Variants in SLC35F1 observed in about 807,000 individuals in gnomAD.
SLC35F1 encodes the protein solute carrier family 35 member F1.
A neutral mutation model predicts 48.7 loss-of-function variants in SLC35F1; 14 were observed. The observed-to-expected ratio is 0.29, with a 90% CI of 0.19 to 0.45. The LOEUF is 0.45. Ranked by LOEUF, SLC35F1 falls within the 20% of genes least tolerant of loss-of-function variation. The pLI is 1.00. For missense variants in SLC35F1, 404 were observed against 500.0 expected (o/e 0.81, Z 1.83); for synonymous variants, 190 against 202.2 (o/e 0.94, Z 0.51).
rs1038431774 is a variant in SLC35F1 at position 117,933,771 on chromosome 6, G to A, written c.173+25872G>A. Among the ~76,000 whole-genome samples the A allele has an allele frequency of 4.6e-5, 7 of 152,198 alleles. No individual in the cohort carries two copies. In the South Asian group the frequency reaches 8.3e-4, roughly 18 times the overall value. On this transcript the variant is annotated intron_variant, in intron 1 of 7. Transcript: ENST00000360388. Reference sequence around the variant, plus strand: ...CTTGTGATAACAAAGTGAAAAATACGCTTGGGTGTGGTGGGCTCCATGACT... The same window carrying A: ...CTTGTGATAACAAAGTGAAAAATACACTTGGGTGTGGTGGGCTCCATGACT...
At chr6:118,011,490 G>C (rs985078202) in intron 1 of SLC35F1, among the ~76,000 whole-genome samples, 56 of 152,172 alleles carry the variant, frequency 3.7e-4, no homozygotes, top group African/African-American at 1.3e-3. Context: ...CTGCCTCCAT[G>C]ATCTAGTCAC....
At position 118,240,383 on chromosome 6, in the gene SLC35F1, A is replaced by G. The variant is rs560352704; in HGVS notation, c.477+4747A>G. On this transcript the variant is annotated intron_variant, in intron 3 of 7. Transcript: ENST00000360388. ...TAACTTTGCATATGAAACAAACCTC[A>G]TAACAGAAGCCTGGAGTCCCAAAAC... is the stretch of plus-strand genomic sequence containing the variant. Among the ~76,000 whole-genome samples the G allele has an allele frequency of 2.6e-5, 4 of 152,374 alleles. 1 individual carries two copies. In the South Asian group the frequency reaches 8.3e-4, roughly 32 times the overall value.
chr6:118,260,460 T>A lies in SLC35F1; in HGVS notation c.478-6535T>A, dbSNP rs186798732. 1.2e-3 allele frequency among the ~76,000 whole-genome samples: 186 copies of A among 152,184 alleles called. 1 individual carries two copies. Among genetic ancestry groups the A allele is most frequent in the Admixed American group, 2.2e-3 (33 of 15,292 alleles). On this transcript the variant is annotated intron_variant, in intron 3 of 7. Transcript: ENST00000360388. Reference sequence around the variant, plus strand: ...CAGGTTTAGGGTTTTTAATTTTTTTTAAAAAAGAAGGCAACTTCTTTTGGG... The same window carrying A: ...CAGGTTTAGGGTTTTTAATTTTTTTAAAAAAAGAAGGCAACTTCTTTTGGG...
chr6:118,267,521 C>T (rs283091), intron 4 of SLC35F1, among the ~76,000 whole-genome samples: 82,046 of 152,020 alleles, frequency 0.54, 22,620 homozygotes, highest in African/African-American at 0.62. Context: ...TGGTAATGAG[C>T]TAATTCACTC....
At chr6:118,036,685 G>A (rs575358621) in intron 1 of SLC35F1, among the ~76,000 whole-genome samples, 1 of 152,044 alleles carries the variant, frequency 6.6e-6, no homozygotes, top group Non-Finnish European at 1.5e-5. Flanking sequence ...AGCCTCCCAA[G>A]TAGCTGGGAC....
intron 1 of SLC35F1, among the ~76,000 whole-genome samples, chr6:117,925,203 T>G (rs1776012697): frequency 6.6e-6 from 1 of 152,160 alleles, no homozygotes; most frequent in South Asian, 2.1e-4. Flanking sequence ...ATGGCATTTC[T>G]CTGGAGTCCA....
intron 1 of SLC35F1, among the ~76,000 whole-genome samples, chr6:117,977,890 C>G (rs1338434844): frequency 2.6e-5 from 4 of 151,864 alleles, no homozygotes; most frequent in Non-Finnish European, 5.9e-5. Flanking sequence ...TAAATTTTAG[C>G]TTCATTTAGT....
At chr6:118,160,301 C>A (rs1223433045) in intron 2 of SLC35F1, among the ~76,000 whole-genome samples, 2 of 152,176 alleles carry the variant, frequency 1.3e-5, no homozygotes, top group Non-Finnish European at 2.9e-5. Flanking sequence ...AGTGTTCTTA[C>A]GAGCTCTTCC....
chr6:118,302,980 G>GA (rs5879459), intron 7 of SLC35F1, among the ~76,000 whole-genome samples: 40,257 of 145,340 alleles, frequency 0.28, 6,312 homozygotes, highest in African/African-American at 0.42. Flanking sequence ...AGCTTATTTA[G>GA]AAAAAAAAAA....
chr6:118,007,835 T>A (rs6914871), intron 1 of SLC35F1, among the ~76,000 whole-genome samples: 1 of 151,912 alleles, frequency 6.6e-6, no homozygotes, highest in African/African-American at 2.4e-5. Flanking sequence ...AGTTTTAGGT[T>A]GAGCTGCAGT....
At chr6:118,232,548 CAAAAAAAAAAA>C (rs771123566) in intron 2 of SLC35F1, among the ~76,000 whole-genome samples, 1 of 50,698 alleles carries the variant, frequency 2.0e-5, no homozygotes, top group African/African-American at 6.6e-5. Context: ...AACTCCATCC[CAAAAAAAAAAA>C]AAAAAAAAAG....
chr6:118,085,445 A>G (rs1172308882), intron 1 of SLC35F1, among the ~76,000 whole-genome samples: 1 of 149,610 alleles, frequency 6.7e-6, no homozygotes, highest in Non-Finnish European at 1.5e-5. Context: ...CTAATTGTGT[A>G]ATCATCCAGC....
At chr6:118,286,445 T>C (rs1402117230) in intron 7 of SLC35F1, among the ~76,000 whole-genome samples, 4 of 152,078 alleles carry the variant, frequency 2.6e-5, no homozygotes, top group Admixed American at 2.0e-4. Flanking sequence ...TCAGGATTAC[T>C]ACTGAGAGAA....
intron 1 of SLC35F1, among the ~76,000 whole-genome samples, chr6:118,120,113 T>C (rs185697865): frequency 1.5e-3 from 230 of 152,300 alleles, no homozygotes; most frequent in Non-Finnish European, 2.7e-3. Flanking sequence ...TGGGTACAAT[T>C]TGGCGAACTA....
chr6:118,309,199 G>GTGTA (rs1337404011), intron 7 of SLC35F1, among the ~76,000 whole-genome samples: 1 of 150,394 alleles, frequency 6.6e-6, no homozygotes, highest in East Asian at 1.9e-4. Flanking sequence ...GTGTGTGTGT[G>GTGTA]TGTGCGTGTG....
intron 1 of SLC35F1, among the ~76,000 whole-genome samples, chr6:118,145,800 T>C (rs1397500623): frequency 6.6e-6 from 1 of 152,196 alleles, no homozygotes; most frequent in Non-Finnish European, 1.5e-5. Context: ...TTTAAAGTTA[T>C]GCAACTCATT....
chr6:118,054,445 G>C (rs935019895), intron 1 of SLC35F1, among the ~76,000 whole-genome samples: 1 of 152,152 alleles, frequency 6.6e-6, no homozygotes, highest in Non-Finnish European at 1.5e-5. Context: ...TTTACTTTGG[G>C]ACAAAATATA....
In SLC35F1 at chr6:118,315,298, T is replaced by C. The variant is rs1194379703; in HGVS notation, c.*1046T>C. 2.0e-5 allele frequency: 3 copies of C among 152,658 alleles called. No homozygotes were observed. Among genetic ancestry groups the C allele is most frequent in the Non-Finnish European group, 4.4e-5 (3 of 68,050 alleles). The allele number at this position is 152,658 out of a possible 1,614,324, so 9.5% of individuals were successfully genotyped here. A position where few individuals can be genotyped will look rare whatever the true frequency, so the allele number is the denominator to read the frequency against. ...CCACCTCCTAACAAAGTCAAGGTGC[T>C]GATGTGGAGCAGTCTTTGAAAATGG... On this transcript the variant is annotated 3_prime_UTR_variant, in exon 8 of 8. Transcript: ENST00000360388.
chr6:118,115,722 T>C (rs1194928830), intron 1 of SLC35F1, among the ~76,000 whole-genome samples: 1 of 152,160 alleles, frequency 6.6e-6, no homozygotes, highest in African/African-American at 2.4e-5. Flanking sequence ...TAGCTTAATA[T>C]GAAACTTGAA....
Sources: gnomAD v4.1 joint callset for allele counts (sites outside exome capture counted in the v4.1 genomes callset) on GRCh38, gnomAD v4.1.1 for gene constraint, MANE v1.5 for transcripts, NCBI Gene and HGNC (gene_info 2026-07-23, HGNC 2026-07-21) for gene names.